The following SIL1 variants were observed in gnomAD, a reference collection of about 807,000 sequenced individuals.
SIL1 encodes nucleotide exchange factor SIL1.
A neutral mutation model predicts 49.1 loss-of-function variants in SIL1; 40 were observed. That is an observed-to-expected ratio of 0.81 (90% CI 0.63 to 1.06). The LOEUF is 1.06. Among genes scored for constraint, SIL1 ranks in the 50% least tolerant of loss-of-function variants. SIL1 has a pLI of 0.00. For synonymous variants in SIL1, 253 were observed against 250.8 expected, an observed-to-expected ratio of 1.01 and a Z score of -0.08; for missense variants, 500 against 572.6, an observed-to-expected ratio of 0.87 and a Z score of 1.29.
intron 3 of SIL1, among the ~76,000 whole-genome samples, chr5:139,104,944 G>A (rs1039205545): frequency 1.3e-5 from 2 of 152,136 alleles, no homozygotes; most frequent in African/African-American, 4.8e-5. Flanking sequence ...TAGAGAAGAA[G>A]GAAGGGCTGC....
At chr5:139,138,735 C>T (rs1751025290) in intron 1 of SIL1, among the ~76,000 whole-genome samples, 1 of 152,128 alleles carries the variant, frequency 6.6e-6, no homozygotes, top group Non-Finnish European at 1.5e-5. Flanking sequence ...AAAATGAGGG[C>T]TCATAAAGCT....
At chr5:139,142,521 T>C (rs145733324) in intron 1 of SIL1, among the ~76,000 whole-genome samples, 327 of 152,084 alleles carry the variant, frequency 2.2e-3, no homozygotes, top group African/African-American at 4.4e-3. Context: ...ACCACATTAA[T>C]AGAATGAAGG....
intron 5 of SIL1, among the ~76,000 whole-genome samples, chr5:139,039,064 G>A (rs1025866885): frequency 6.6e-6 from 1 of 152,188 alleles, no homozygotes; most frequent in Non-Finnish European, 1.5e-5. Context: ...TGCACACTTG[G>A]TCTGTTGGTA....
chr5:139,167,703 C>T (rs1432663250), intron 1 of SIL1, among the ~76,000 whole-genome samples: 1 of 152,110 alleles, frequency 6.6e-6, no homozygotes, highest in Non-Finnish European at 1.5e-5. Flanking sequence ...CCTAAGTGTA[C>T]AGTGTTTATA....
chr5:138,983,091 A>C (rs940181349), intron 7 of SIL1, among the ~76,000 whole-genome samples: 1 of 148,576 alleles, frequency 6.7e-6, no homozygotes, highest in Non-Finnish European at 1.5e-5. Flanking sequence ...CCAGCAACTC[A>C]GGGGGGCTGA....
At chr5:139,173,530 A>G (rs2151816369) in intron 1 of SIL1, among the ~76,000 whole-genome samples, 1 of 152,284 alleles carries the variant, frequency 6.6e-6, no homozygotes, top group Non-Finnish European at 1.5e-5. Context: ...AGCCTGGGAA[A>G]CAGAGTGAGA....
At chr5:139,088,884 CAA>C (rs1394067305) in intron 3 of SIL1, among the ~76,000 whole-genome samples, 1 of 152,174 alleles carries the variant, frequency 6.6e-6, no homozygotes, top group Non-Finnish European at 1.5e-5. Context: ...AGGCTTACAT[CAA>C]AGTTTGACTG....
At chr5:139,052,974 C>A (rs1055526066) in intron 3 of SIL1, among the ~76,000 whole-genome samples, 1 of 152,026 alleles carries the variant, frequency 6.6e-6, no homozygotes, top group Non-Finnish European at 1.5e-5. Context: ...CAAACAGCGG[C>A]GGAAGATGGT....
chr5:138,995,250 C>G (rs1196210431), intron 7 of SIL1, among the ~76,000 whole-genome samples: 1 of 146,012 alleles, frequency 6.8e-6, no homozygotes, highest in African/African-American at 2.5e-5. Flanking sequence ...AAATATTCAT[C>G]TTTTTTTTTT....
At chr5:139,081,624 A>G (rs1168538334) in intron 3 of SIL1, among the ~76,000 whole-genome samples, 1 of 152,278 alleles carries the variant, frequency 6.6e-6, no homozygotes, top group East Asian at 1.9e-4. Flanking sequence ...CACACCTGTA[A>G]TCCCAGCACT....
At chr5:139,171,426 T>C (rs1345427888) in intron 1 of SIL1, among the ~76,000 whole-genome samples, 1 of 152,200 alleles carries the variant, frequency 6.6e-6, no homozygotes, top group Non-Finnish European at 1.5e-5. Flanking sequence ...CTCTGAAACA[T>C]GTGCTGTGTC....
chr5:138,960,676 G>A (rs1368446217), intron 7 of SIL1, among the ~76,000 whole-genome samples: 7 of 152,104 alleles, frequency 4.6e-5, no homozygotes, highest in East Asian at 1.9e-4. Flanking sequence ...GGCTGGTCTC[G>A]AACTCCTGGC....
chr5:138,949,703 CAGGGGG>C (rs1766717917), intron 9 of SIL1, among the ~76,000 whole-genome samples: 1 of 147,384 alleles, frequency 6.8e-6, no homozygotes, highest in Admixed American at 7.0e-5. Context: ...CCCAGCTACT[CAGGGGG>C]CTGAGGTGGG....
intron 6 of SIL1, among the ~76,000 whole-genome samples, chr5:139,024,039 G>A (rs919021271): frequency 6.6e-6 from 1 of 152,180 alleles, no homozygotes; most frequent in Non-Finnish European, 1.5e-5. Flanking sequence ...GAGCCTACAA[G>A]GGAAAACAAA....
In SIL1 at chr5:139,169,585, G is replaced by A. The variant is rs567461859; in HGVS notation, c.-11+28684C>T. Among the ~76,000 whole-genome samples, 646 of 151,392 alleles carry A rather than the reference G, an allele frequency of 4.3e-3. 2 individuals are homozygous for A. The highest frequency in any genetic ancestry group is 0.015 in the African/African-American group (617 of 41,214). ...CAACCTCCGCCTCCTGGGTTTAAGC[G>A]ATTCTCCTGCCTCAGCCTCCCGAGT... On this transcript the variant is annotated intron_variant, in intron 1 of 9. Coordinates refer to ENST00000394817, the MANE Select transcript of SIL1 (RefSeq NM_022464.5).
rs781049621 is a variant in SIL1, at chr5:139,057,314, T to TTAAAAAAA, written c.245-6269_245-6268insTTTTTTTA. Reference sequence around the variant, plus strand: ...GCGAGAAACACCCAAGAATGATCAATAAAAAAAAAAAAAAGAAAAGAAAAG... The same window carrying TTAAAAAAA: ...GCGAGAAACACCCAAGAATGATCAATTAAAAAAAAAAAAAAAAAAAAAGAAAAGAAAAG... On this transcript the variant is annotated intron_variant, in intron 3 of 9. Transcript: ENST00000394817. 4.2e-3 allele frequency among the ~76,000 whole-genome samples: 305 copies of TTAAAAAAA among 73,240 alleles called. 21 individuals are homozygous for TTAAAAAAA. The highest frequency in any genetic ancestry group is 0.012 in the African/African-American group (206 of 16,508). 48.0% of individuals were successfully genotyped at this position (73,240 alleles called of 152,430 possible). A position where few individuals can be genotyped will look rare whatever the true frequency, so the allele number is the denominator to read the frequency against.
intron 2 of SIL1, among the ~76,000 whole-genome samples, chr5:139,124,738 C>T (rs1305647446): frequency 6.6e-6 from 1 of 152,208 alleles, no homozygotes; most frequent in Non-Finnish European, 1.5e-5. Context: ...CAGCAGCTAC[C>T]ATTTATTAAG....
intron 3 of SIL1, among the ~76,000 whole-genome samples, chr5:139,104,982 G>T (rs555816285): frequency 6.6e-6 from 1 of 152,222 alleles, no homozygotes; most frequent in African/African-American, 2.4e-5. Context: ...GAAATGAGAG[G>T]CTAGGCAACC....
intron 3 of SIL1, among the ~76,000 whole-genome samples, chr5:139,104,259 C>G (rs545282937): frequency 6.6e-6 from 1 of 152,290 alleles, no homozygotes; most frequent in East Asian, 1.9e-4. Flanking sequence ...CCTGGCTCCT[C>G]CTAGACCACG....
Sources: gnomAD v4.1 joint callset for allele counts (sites outside exome capture counted in the v4.1 genomes callset) on GRCh38, gnomAD v4.1.1 for gene constraint, MANE v1.5 for transcripts, NCBI Gene and HGNC (gene_info 2026-07-23, HGNC 2026-07-21) for gene names.